Variants in NEGR1 observed in about 807,000 individuals in gnomAD.
The protein encoded by NEGR1 is neuronal growth regulator 1, also known as IgLON family member 4.
A neutral mutation model predicts 40.9 loss-of-function variants in NEGR1; 10 were observed. That is an observed-to-expected ratio of 0.24 (90% CI 0.15 to 0.42). NEGR1 has a LOEUF of 0.42. Among genes scored for constraint, NEGR1 ranks in the 10% least tolerant of loss-of-function variants. The pLI is 1.00. For synonymous variants in NEGR1, 185 were observed against 166.8 expected, an observed-to-expected ratio of 1.11 and a Z score of -0.84; for missense variants, 352 against 438.9, an observed-to-expected ratio of 0.80 and a Z score of 1.77.
At chr1:71,905,616 G>T (rs1661254741) in intron 2 of NEGR1, among the ~76,000 whole-genome samples, 2 of 151,918 alleles carry the variant, frequency 1.3e-5, no homozygotes, top group Admixed American at 6.6e-5. Context: ...TTCTTATGTT[G>T]CAAATAAAGT....
intron 2 of NEGR1, among the ~76,000 whole-genome samples, chr1:71,837,217 T>C (rs1418843025): frequency 6.6e-6 from 1 of 152,126 alleles, no homozygotes; most frequent in African/African-American, 2.4e-5. Context: ...GTAGAAATTA[T>C]GACTATCATT....
intron 4 of NEGR1, among the ~76,000 whole-genome samples, chr1:71,676,105 T>C (rs1652625425): frequency 2.0e-5 from 3 of 152,146 alleles, no homozygotes. Context: ...GTTAAAATAA[T>C]CTTATTTTGT....
chr1:71,959,662 C>T (rs1646147493), intron 1 of NEGR1, among the ~76,000 whole-genome samples: 1 of 152,004 alleles, frequency 6.6e-6, no homozygotes, highest in African/African-American at 2.4e-5. Flanking sequence ...CAGTTATGTT[C>T]CCTGGTAGTT....
intron 6 of NEGR1, among the ~76,000 whole-genome samples, chr1:71,445,737 A>G (rs1459218699): frequency 6.6e-6 from 1 of 152,246 alleles, no homozygotes; most frequent in Non-Finnish European, 1.5e-5. Context: ...ACGTACCAGC[A>G]AGCAATTGGC....
At chr1:71,867,382 G>A (rs1660148455) in intron 2 of NEGR1, among the ~76,000 whole-genome samples, 2 of 152,120 alleles carry the variant, frequency 1.3e-5, no homozygotes, top group Admixed American at 6.5e-5. Flanking sequence ...CGAGGGAGGG[G>A]ACGAGGGGAT....
chr1:71,452,815 C>A (rs201349119), intron 6 of NEGR1, among the ~76,000 whole-genome samples: 4,406 of 18,670 alleles, frequency 0.24, 215 homozygotes, highest in African/African-American at 0.27. Context: ...CAAAAAAAAA[C>A]CAAAAAAAAA....
chr1:71,794,269 T>C (rs1378882043), intron 2 of NEGR1: 1 of 152,164 alleles, frequency 6.6e-6, no homozygotes, highest in Non-Finnish European at 1.5e-5. Context: ...AATTAAAAAA[T>C]TCATCCTATC....
chr1:71,983,360 G>T (rs181903261), intron 1 of NEGR1, among the ~76,000 whole-genome samples: 3 of 152,004 alleles, frequency 2.0e-5, no homozygotes, highest in African/African-American at 7.2e-5. Flanking sequence ...AATGGAAAGC[G>T]CTTATTTCTT....
chr1:71,741,294 T>C (rs373851577), intron 3 of NEGR1, among the ~76,000 whole-genome samples: 9 of 152,312 alleles, frequency 5.9e-5, no homozygotes, highest in Admixed American at 5.2e-4. Flanking sequence ...TATGGTACTC[T>C]GTGTAGCCAT....
At chr1:71,572,537 T>G (rs1487749705) in intron 6 of NEGR1, among the ~76,000 whole-genome samples, 1 of 152,232 alleles carries the variant, frequency 6.6e-6, no homozygotes, top group East Asian at 1.9e-4. Flanking sequence ...TGCCAATTGC[T>G]AGGCATTTTA....
At chr1:72,114,875 A>G (rs902621331) in intron 1 of NEGR1, among the ~76,000 whole-genome samples, 3 of 151,776 alleles carry the variant, frequency 2.0e-5, no homozygotes, top group Admixed American at 6.6e-5. Context: ...TGAACTTGCA[A>G]TTAATTGAAA....
At chr1:71,826,185 G>T (rs1007950292) in intron 2 of NEGR1, among the ~76,000 whole-genome samples, 4 of 151,686 alleles carry the variant, frequency 2.6e-5, no homozygotes, top group Admixed American at 6.6e-5. Flanking sequence ...TTTCTTTTCC[G>T]TTCCCTGTAT....
chr1:71,588,778 G>A (rs184377929), intron 6 of NEGR1, among the ~76,000 whole-genome samples: 39 of 152,206 alleles, frequency 2.6e-4, no homozygotes, highest in African/African-American at 7.9e-4. Context: ...CAAACAAGCT[G>A]AAAATGATGG....
At chr1:72,169,097 T>C (rs1651871361) in intron 1 of NEGR1, among the ~76,000 whole-genome samples, 1 of 151,986 alleles carries the variant, frequency 6.6e-6, no homozygotes, top group African/African-American at 2.4e-5. Flanking sequence ...ATAAGAAAAA[T>C]GTATTAATTA....
At chr1:71,917,513 G>A (rs1661617737) in intron 2 of NEGR1, among the ~76,000 whole-genome samples, 5 of 152,160 alleles carry the variant, frequency 3.3e-5, no homozygotes, top group African/African-American at 9.6e-5. Flanking sequence ...TAAGTCGGAC[G>A]GGTGCGGTGG....
At chr1:72,066,849 G>A (rs565712331) in intron 1 of NEGR1, among the ~76,000 whole-genome samples, 47 of 152,188 alleles carry the variant, frequency 3.1e-4, no homozygotes, top group Non-Finnish European at 6.8e-4. Context: ...GACACTGACC[G>A]AGTCAAAAAT....
Position 72,199,150 on chromosome 1 carries a change from C to CAGAG in NEGR1, c.176+83165_176+83168dup, listed in dbSNP as rs34602311. On this transcript the variant is annotated intron_variant, in intron 1 of 6. Coordinates refer to ENST00000357731, the MANE Select transcript of NEGR1 (RefSeq NM_173808.3). ...TTGGAGATCTATCTAGATAGACAGA[C>CAGAG]AGAGAGAGAGAGAGAGAGAGAGAGA... is the stretch of plus-strand genomic sequence containing the variant. 8.2e-3 allele frequency among the ~76,000 whole-genome samples: 950 copies of CAGAG among 115,230 alleles called. 2 individuals carry two copies. Among genetic ancestry groups the CAGAG allele is most frequent in the East Asian group, 0.015 (62 of 4,234 alleles). 75.6% of individuals were successfully genotyped at this position (115,230 alleles called of 152,430 possible).
At chr1:71,448,418 G>A (rs188944706) in intron 6 of NEGR1, among the ~76,000 whole-genome samples, 20 of 152,220 alleles carry the variant, frequency 1.3e-4, no homozygotes, top group Admixed American at 9.2e-4. Context: ...GGCCAAGATG[G>A]CAAAACCGCA....
At chr1:71,636,654 G>T (rs1376765881) in intron 4 of NEGR1, among the ~76,000 whole-genome samples, 3 of 152,070 alleles carry the variant, frequency 2.0e-5, no homozygotes, top group South Asian at 2.1e-4. Flanking sequence ...GACATTCAGG[G>T]TATATTTGTA....
Sources: allele counts gnomAD v4.1 joint callset (sites outside exome capture counted in the v4.1 genomes callset), GRCh38; gene constraint gnomAD v4.1.1; transcripts MANE v1.5; gene names NCBI Gene and HGNC (gene_info 2026-07-23, HGNC 2026-07-21).